The following UNC80 variants were observed in gnomAD, a reference collection of about 807,000 sequenced individuals.
UNC80 encodes unc-80 subunit of NALCN channel complex.
Under a neutral mutation model 384.6 loss-of-function variants are expected in UNC80, and 164 were observed. That is an observed-to-expected ratio of 0.43 (90% CI 0.38 to 0.49). UNC80 has a LOEUF of 0.49. Ranked by LOEUF, UNC80 falls within the 20% of genes least tolerant of loss-of-function variation. The pLI, the probability that UNC80 is intolerant of heterozygous loss-of-function variation, is 0.00. For missense variants in UNC80, 3,330 were observed against 4,143.0 expected, an observed-to-expected ratio of 0.80 and a Z score of 5.39; for synonymous variants, 1,486 against 1,527.8, an observed-to-expected ratio of 0.97 and a Z score of 0.64.
At chr2:209,813,095 G>C (rs2079481282) in intron 7 of UNC80, among the ~76,000 whole-genome samples, 1 of 152,126 alleles carries the variant, frequency 6.6e-6, no homozygotes, top group Non-Finnish European at 1.5e-5. Flanking sequence ...CAATGAAGTA[G>C]GCAAGGCAAA....
Position 209,894,263 on chromosome 2 carries a change from C to G in UNC80, c.4377C>G (p.Arg1459=). ...AGGGGGGTTCCTTGTCCAGCATTCG[C>G]CGGGTCGGCAGCTTAAAGAGCAGCA... ...VKKGGSLSSI[R]RVGSLKSSKL... Residue 1459 remains arginine, a synonymous_variant, in exon 27 of 65, where the codon CGC becomes CGG. Coordinates refer to ENST00000673920, the MANE Select transcript of UNC80 (RefSeq NM_001371986.1). 1 of 985,400 alleles carries G rather than the reference C, an allele frequency of 1.0e-6. No individual in the cohort carries two copies. The highest frequency in any genetic ancestry group is 1.2e-6 in the Non-Finnish European group (1 of 829,936). 61.0% of individuals were successfully genotyped at this position (985,400 alleles called of 1,614,324 possible). A position where few individuals can be genotyped will look rare whatever the true frequency, so the allele number is the denominator to read the frequency against.
In UNC80 at chr2:209,972,218, T is replaced by G. The variant is rs2092905134; in HGVS notation, c.8274T>G (p.Phe2758Leu). Residue 2758 changes from phenylalanine (F) to leucine (L), a missense_variant, in exon 55 of 65, where the codon TTT becomes TTG. Coordinates refer to ENST00000673920, the MANE Select transcript of UNC80 (RefSeq NM_001371986.1). ...CTGCACAGGCTTTAAAAGAAGATTT[T>G]CCTTTAAGCCATGTGATCTCCCCAT... is the stretch of plus-strand genomic sequence containing the variant. ...ALQIQALKEDFPLSHVISPFT... is the reference protein window; with the variant it reads ...ALQIQALKEDLPLSHVISPFT... 1 of 1,551,082 alleles carries G rather than the reference T, an allele frequency of 6.4e-7. No homozygotes were observed. The highest frequency in any genetic ancestry group is 1.2e-5 in the South Asian group (1 of 84,004).
At position 209,786,083 on chromosome 2, in the gene UNC80, C is replaced by T; in HGVS notation, c.618C>T (p.Phe206=). 1.2e-6 allele frequency: 2 copies of T among 1,613,940 alleles called. No individual in the cohort carries two copies. The highest frequency in any genetic ancestry group is 1.7e-6 in the Non-Finnish European group (2 of 1,179,884). ...VHRIKESDLT[F]RLASGLVIWQ... ...CCCCCTAGGAATCTGACCTCACCTT[C>T]CGTCTGGCCAGTGGGCTTGTTATAT... The change falls in exon 5 of 65, where the codon TTC becomes TTT. Residue 206 remains phenylalanine, a synonymous_variant. Transcript: ENST00000673920.
At chr2:209,911,943 C>G (rs1290606969) in intron 29 of UNC80, among the ~76,000 whole-genome samples, 2 of 152,164 alleles carry the variant, frequency 1.3e-5, no homozygotes, top group African/African-American at 4.8e-5. Flanking sequence ...GAGCTGCTGC[C>G]TCTTACAGAA....
At chr2:209,846,056 G>A (rs986713470) in intron 21 of UNC80, among the ~76,000 whole-genome samples, 2 of 148,152 alleles carry the variant, frequency 1.3e-5, no homozygotes, top group Non-Finnish European at 3.0e-5. Context: ...TAAATGATTC[G>A]TACCCAACCA....
At chr2:209,777,598 G>T in intron 4 of UNC80, 39 bp downstream of exon 4, 1 of 1,562,974 alleles carries the variant, frequency 6.4e-7, no homozygotes, top group Non-Finnish European at 8.7e-7. Context: ...AGTGGGTGGA[G>T]ATGTGGTGAG....
Position 209,976,258 on chromosome 2 carries a change from C to T in UNC80, c.8727C>T (p.Thr2909=), listed in dbSNP as rs894969061. 1.2e-5 allele frequency: 18 copies of T among 1,551,678 alleles called. No homozygotes were observed. Among genetic ancestry groups the T allele is most frequent in the Non-Finnish European group, 1.5e-5 (17 of 1,146,988 alleles). ...LWDFLDFIVR[T]RIPIFVLLRP... is the part of the protein sequence containing the mutation. ...ATTTCCTCGACTTCATCGTGCGGACCCGAATACCCATCTTTGTGCTTTTGC... is the reference window on the plus strand; with the variant it reads ...ATTTCCTCGACTTCATCGTGCGGACTCGAATACCCATCTTTGTGCTTTTGC... The change falls in exon 57 of 65, where the codon ACC becomes ACT. Residue 2909 remains threonine, a synonymous_variant. Coordinates refer to ENST00000673920, the MANE Select transcript of UNC80 (RefSeq NM_001371986.1). This position sits in a 1 kb window ranked among gnomAD's most constrained non-coding sequence, Gnocchi z 4.3.
chr2:209,789,647 C>A, intron 6 of UNC80, 42 bp downstream of exon 6: 1 of 1,401,106 alleles, frequency 7.1e-7, no homozygotes, highest in South Asian at 1.2e-5. Flanking sequence ...GGCAGAAAGT[C>A]CTTGGACATA....
intron 47 of UNC80, among the ~76,000 whole-genome samples, chr2:209,946,255 A>G (rs2091909423): frequency 6.6e-6 from 1 of 151,834 alleles, no homozygotes; most frequent in Non-Finnish European, 1.5e-5. Flanking sequence ...TGTAGTCCCA[A>G]CTTTTTGGGA....
intron 44 of UNC80, among the ~76,000 whole-genome samples, chr2:209,943,099 G>A (rs1280688897): frequency 2.6e-5 from 4 of 152,068 alleles, no homozygotes; most frequent in Non-Finnish European, 1.5e-5. Flanking sequence ...CTTGCAGCAG[G>A]CCTTCTTATG....
rs2079957708 is a variant in UNC80, at chr2:209,819,123, G to A, written c.1824G>A (p.Met608Ile). Residue 608 changes from methionine to isoleucine, a missense_variant, in exon 12 of 65, where the codon ATG becomes ATA. Physicochemically the swap from Met to Ile is conservative, Grantham distance 10. Transcript: ENST00000673920. Reference sequence around the variant, plus strand: ...GCAACCAGGTGCCTATCCCGGAGATGCCACATGAACCTCTGGCATGTGCTA... The same window carrying A: ...GCAACCAGGTGCCTATCCCGGAGATACCACATGAACCTCTGGCATGTGCTA... Reference protein sequence around the residue: ...KLCNQVPIPEMPHEPLACANL... With the variant: ...KLCNQVPIPEIPHEPLACANL... 1 of 1,552,212 alleles carries A rather than the reference G, an allele frequency of 6.4e-7. No homozygotes were observed. Among genetic ancestry groups the A allele is most frequent in the Non-Finnish European group, 8.7e-7 (1 of 1,147,118 alleles).
Position 209,976,071 on chromosome 2 carries a change from C to T in UNC80, c.8588-48C>T, listed in dbSNP as rs762884026. On this transcript the variant is annotated intron_variant, in intron 56 of 64. Transcript: ENST00000673920. This position sits in a 1 kb window ranked among gnomAD's most constrained non-coding sequence, Gnocchi z 4.3. ...GGCTCTGGATGTAGGTTGGGTTCCT[C>T]GGAAGCACACGTCCGCAGGCTCATT... 54 of 1,509,718 alleles carry T rather than the reference C, an allele frequency of 3.6e-5. 1 individual carries two copies. Among genetic ancestry groups the T allele is most frequent in the South Asian group, 1.5e-4 (12 of 78,808 alleles). 93.5% of individuals were successfully genotyped at this position (1,509,718 alleles called of 1,614,324 possible).
chr2:209,941,144 C>T, intron 43 of UNC80, 77 bp from the exon 44 acceptor site: 1 of 1,418,722 alleles, frequency 7.0e-7, no homozygotes. Context: ...ACAGCAGCGC[C>T]TTGGGTTTGA....
intron 22 of UNC80, among the ~76,000 whole-genome samples, chr2:209,859,917 G>C (rs1172841494): frequency 2.0e-5 from 3 of 152,106 alleles, no homozygotes; most frequent in Non-Finnish European, 4.4e-5. Context: ...GTAAATTCTG[G>C]AAATTAGACC....
At chr2:209,887,605 G>A (rs969426405) in intron 25 of UNC80, among the ~76,000 whole-genome samples, 1 of 152,152 alleles carries the variant, frequency 6.6e-6, no homozygotes, top group Non-Finnish European at 1.5e-5. Flanking sequence ...GCACAGTTCC[G>A]AGTCTGATTT....
Position 209,894,428 on chromosome 2 carries a change from A to G in UNC80, c.4480+62A>G, listed in dbSNP as rs941117277. ...GGTAGGAAGACAGGGCCCAAGTCCC[A>G]AAAGAGCTGAAGTCCATTTTCTTAC... is the stretch of plus-strand genomic sequence containing the variant. On this transcript the variant is annotated intron_variant, in intron 27 of 64. Transcript: ENST00000673920. 3.3e-6 allele frequency: 3 copies of G among 900,850 alleles called. No homozygotes were observed. The African/African-American group carries it at 5.4e-5, about 16-fold the overall frequency. The allele number at this position is 900,850 out of a possible 1,614,324, so 55.8% of individuals were successfully genotyped here.
At chr2:209,775,331 A>G (rs954499435) in intron 2 of UNC80, among the ~76,000 whole-genome samples, 2 of 152,188 alleles carry the variant, frequency 1.3e-5, no homozygotes, top group South Asian at 2.1e-4. Context: ...CCACAGATAT[A>G]TTAAGTATCT....
chr2:209,946,755 C>T (rs2091933579), intron 47 of UNC80, among the ~76,000 whole-genome samples: 1 of 152,132 alleles, frequency 6.6e-6, no homozygotes, highest in East Asian at 1.9e-4. Context: ...TAAATCTGAT[C>T]TATTAAAAGT....
chr2:209,871,588 C>T (rs151016568), intron 22 of UNC80, among the ~76,000 whole-genome samples: 1,698 of 151,742 alleles, frequency 0.011, 15 homozygotes, highest in Non-Finnish European at 0.018. Flanking sequence ...TATTAGTAAC[C>T]CTAAAATGAT....
Sources: gnomAD v4.1 joint callset for allele counts (sites outside exome capture counted in the v4.1 genomes callset) on GRCh38, gnomAD v4.1.1 for gene constraint, Gnocchi (gnomAD v3.1) non-coding constraint, MANE v1.5 for transcripts, NCBI Gene and HGNC (gene_info 2026-07-23, HGNC 2026-07-21) for gene names.